GLI3: variants seen among roughly 807,000 people sequenced by gnomAD.
GLI3 encodes the protein transcription activator GLI3.
A neutral mutation model predicts 100.8 loss-of-function variants in GLI3; 20 were observed. The ratio of observed to expected loss-of-function variants is 0.20; its 90% confidence interval spans 0.14 to 0.29. GLI3 has a LOEUF of 0.29. GLI3 is among the 10% of genes least tolerant of loss of function. GLI3 has a pLI of 1.00. For missense variants in GLI3, 2,040 were observed against 2,128.5 expected (o/e 0.96, Z 0.82); for synonymous variants, 938 against 860.5 (o/e 1.09, Z -1.58).
chr7:42,117,165 T>A (rs930511084), intron 3 of GLI3, among the ~76,000 whole-genome samples: 1 of 152,232 alleles, frequency 6.6e-6, no homozygotes. Flanking sequence ...GAATATGCGA[T>A]GTTGAGATTT....
intron 12 of GLI3, among the ~76,000 whole-genome samples, chr7:41,974,550 C>A (rs1051520648): frequency 6.6e-6 from 1 of 152,032 alleles, no homozygotes; most frequent in South Asian, 2.1e-4. Flanking sequence ...ATAAGGAATA[C>A]AAAATCTGAT....
chr7:42,111,417 G>A (rs1245003091), intron 3 of GLI3, among the ~76,000 whole-genome samples: 3 of 152,166 alleles, frequency 2.0e-5, no homozygotes, highest in Non-Finnish European at 4.4e-5. Context: ...GCTATGGTCT[G>A]AGCAGGAAGG....
chr7:42,168,397 T>C (rs937209697), intron 2 of GLI3, among the ~76,000 whole-genome samples: 2 of 152,188 alleles, frequency 1.3e-5, no homozygotes, highest in East Asian at 1.9e-4. Flanking sequence ...CCAAAAAACA[T>C]GTAGCAGAAT....
At position 41,965,624 on chromosome 7, in the gene GLI3, C is replaced by G; in HGVS notation, c.3449G>C (p.Cys1150Ser). The change falls in exon 15 of 15, where the codon TGC becomes TCC. Residue 1150 changes from cysteine (C) to serine (S), a missense_variant. Around this residue, in one of 5 missense-constraint regions of GLI3, gnomAD observed 1,041 missense variants for 924.0 expected, o/e 1.13. Transcript: ENST00000395925. ...CAGGTCGGTTTTGCTGCCCTCGGGG[C>G]AGGGCTGCTCGAGGGCATGGAACTG... ...GQQFHALEQP[C>S]PEGSKTDLPI... 1 of 1,611,144 alleles carries G rather than the reference C, an allele frequency of 6.2e-7. No individual in the cohort carries two copies. The highest frequency in any genetic ancestry group is 2.2e-5 in the East Asian group (1 of 44,744).
upstream of GLI3, among the ~76,000 whole-genome samples, chr7:42,241,236 C>T (rs760380034): frequency 1.3e-5 from 2 of 152,116 alleles, no homozygotes; most frequent in African/African-American, 2.4e-5. Context: ...TTTAGGCAAC[C>T]GAGGAAGGTG....
intron 10 of GLI3, among the ~76,000 whole-genome samples, chr7:41,983,420 C>T (rs1028844177): frequency 3.9e-5 from 6 of 152,034 alleles, no homozygotes; most frequent in Admixed American, 3.9e-4. Context: ...CACCAAAATC[C>T]AAGGTAGATA....
intron 3 of GLI3, among the ~76,000 whole-genome samples, chr7:42,083,318 C>T (rs1007497763): frequency 1.3e-5 from 2 of 152,228 alleles, no homozygotes; most frequent in African/African-American, 2.4e-5. Flanking sequence ...GCTTATTTCA[C>T]TTAACATCAT....
At chr7:42,240,876 GCTC>G (rs1194175819), upstream of GLI3, among the ~76,000 whole-genome samples, 1 of 152,178 alleles carries the variant, frequency 6.6e-6, no homozygotes, top group Non-Finnish European at 1.5e-5. Context: ...AACTTCACGT[GCTC>G]CTCTGATTCC....
chr7:42,226,407 G>A (rs1335002925), intron 1 of GLI3, among the ~76,000 whole-genome samples: 5 of 152,106 alleles, frequency 3.3e-5, no homozygotes, highest in Non-Finnish European at 7.4e-5. Context: ...CAAGGCAAAG[G>A]ACTTTATTTT....
At chr7:42,089,183 C>T (rs560706956) in intron 3 of GLI3, among the ~76,000 whole-genome samples, 1 of 152,292 alleles carries the variant, frequency 6.6e-6, no homozygotes, top group Non-Finnish European at 1.5e-5. Context: ...GCCCTAGGGA[C>T]TATAGCCTCA....
At chr7:41,988,291 GTC>G (rs906892406) in intron 10 of GLI3, among the ~76,000 whole-genome samples, 5 of 152,074 alleles carry the variant, frequency 3.3e-5, no homozygotes, top group African/African-American at 1.2e-4. Context: ...GTGAAACCCT[GTC>G]TCTACTAAAA....
At chr7:42,238,346 A>T (rs1788876625), upstream of GLI3, among the ~76,000 whole-genome samples, 1 of 151,842 alleles carries the variant, frequency 6.6e-6, no homozygotes, top group Non-Finnish European at 1.5e-5. Context: ...TTCTCTGATT[A>T]CCACCGCCCC....
chr7:41,972,198 G>A lies in GLI3; in HGVS notation c.2103+139C>T, dbSNP rs747467221. 1.2e-6 allele frequency: 1 copy of A among 820,564 alleles called. No homozygotes were observed. Among genetic ancestry groups the A allele is most frequent in the South Asian group, 1.4e-5 (1 of 73,296 alleles). The allele number at this position is 820,564 out of a possible 1,614,324, so 50.8% of individuals were successfully genotyped here. On this transcript the variant is annotated intron_variant, in intron 13 of 14. Coordinates refer to ENST00000395925, the MANE Select transcript of GLI3 (RefSeq NM_000168.6). This position sits in a 1 kb window ranked among gnomAD's most constrained non-coding sequence, Gnocchi z 4.4. ...CTGATCGACTTCACGTAAGCAATACGGGTCACTGCCCTCATCGCCTCCTCA... is the reference window on the plus strand; with the variant it reads ...CTGATCGACTTCACGTAAGCAATACAGGTCACTGCCCTCATCGCCTCCTCA...
intron 10 of GLI3, among the ~76,000 whole-genome samples, chr7:41,984,625 C>T (rs1203201865): frequency 6.6e-6 from 1 of 152,218 alleles, no homozygotes; most frequent in Non-Finnish European, 1.5e-5. Context: ...AGTTTCTTAA[C>T]ATCAAGAAGG....
At chr7:42,005,907 G>A (rs1788447657) in intron 10 of GLI3, among the ~76,000 whole-genome samples, 1 of 152,068 alleles carries the variant, frequency 6.6e-6, no homozygotes, top group African/African-American at 2.4e-5. Flanking sequence ...GGGCGTGAGG[G>A]ATGGGTATCT....
At chr7:42,235,680 G>A (rs1183558326) in intron 1 of GLI3, among the ~76,000 whole-genome samples, 1 of 152,158 alleles carries the variant, frequency 6.6e-6, no homozygotes, top group African/African-American at 2.4e-5. Context: ...GTATTTTTTA[G>A]AACTAATAAT....
intron 4 of GLI3, among the ~76,000 whole-genome samples, chr7:42,072,628 C>G (rs1449464545): frequency 6.6e-6 from 1 of 152,154 alleles, no homozygotes; most frequent in Admixed American, 6.5e-5. Context: ...AAAATTAGTA[C>G]TTATTTTTAG....
intron 1 of GLI3, among the ~76,000 whole-genome samples, chr7:42,246,048 A>G (rs930297719): frequency 6.6e-6 from 1 of 152,150 alleles, no homozygotes; most frequent in Non-Finnish European, 1.5e-5. Flanking sequence ...TTTGGGTTGA[A>G]TTGCCTTGGA....
chr7:41,968,667 CAAGAAAGAAAGAAAGAAAG>C (rs1787254014), intron 13 of GLI3, among the ~76,000 whole-genome samples: 1 of 123,668 alleles, frequency 8.1e-6, no homozygotes, highest in Non-Finnish European at 1.7e-5. Flanking sequence ...TGTGCTATAC[CAAGAAAGAAAGAAAGAAAG>C]AAGAAAGAAA....
Sources: allele counts gnomAD v4.1 joint callset (sites outside exome capture counted in the v4.1 genomes callset), GRCh38; gene constraint gnomAD v4.1.1; regional missense constraint gnomAD v4.1.1; non-coding constraint Gnocchi (gnomAD v3.1); transcripts MANE v1.5; gene names NCBI Gene and HGNC (gene_info 2026-07-23, HGNC 2026-07-21).